The following NEURL4 variants were observed in gnomAD, a reference collection of about 807,000 sequenced individuals.
The protein encoded by NEURL4 is neuralized-like protein 4.
Under a neutral mutation model 148.0 loss-of-function variants are expected in NEURL4, and 45 were observed. That is an observed-to-expected ratio of 0.30 (90% CI 0.24 to 0.39). The LOEUF is 0.39. Among genes scored for constraint, NEURL4 ranks in the 10% least tolerant of loss-of-function variants. The pLI is 1.00. For synonymous variants in NEURL4, 854 were observed against 869.0 expected, an observed-to-expected ratio of 0.98 and a Z score of 0.30; for missense variants, 1,776 against 2,144.0, an observed-to-expected ratio of 0.83 and a Z score of 3.39.
At position 7,326,200 on chromosome 17, in the gene NEURL4, C is replaced by CA; in HGVS notation, c.1293+54dup. ...CCTGCTTGGTGCCCTGGCAGGGACA[C>CA]AGAGTACCTGTGGCTCTGCTGAAAG... On this transcript the variant is annotated intron_variant, in intron 6 of 28. Coordinates refer to ENST00000399464, the MANE Select transcript of NEURL4 (RefSeq NM_032442.3). The surrounding 1 kb of genome is among the most constrained non-coding windows in gnomAD (Gnocchi z 6.0). 1 of 1,553,010 alleles carries CA rather than the reference C, an allele frequency of 6.4e-7. No homozygotes were observed. Among genetic ancestry groups the CA allele is most frequent in the East Asian group, 2.3e-5 (1 of 43,326 alleles).
rs776183365 is a variant in NEURL4, at chr17:7,317,515, C to G, written c.4264G>C (p.Gly1422Arg). 3.1e-6 allele frequency: 5 copies of G among 1,614,162 alleles called. No homozygotes were observed. In the East Asian group the frequency reaches 8.9e-5, roughly 29 times the overall value. ...CTCCGTACAGCGGCAACATTGCTCC[C>G]GTGATATGCCATGTGCCACTTCTTG... ...LTKKWHMAYHGSNVAAVRRVL... is the reference protein window; with the variant it reads ...LTKKWHMAYHRSNVAAVRRVL... The change falls in exon 27 of 29, where the codon GGG (glycine) becomes CGG (arginine). Residue 1422 changes from glycine to arginine, a missense_variant. Physicochemically the swap from Gly to Arg is moderately radical, Grantham distance 125 (BLOSUM62 -2). Coordinates refer to ENST00000399464, the MANE Select transcript of NEURL4 (RefSeq NM_032442.3).
chr17:7,325,434 A>G lies in NEURL4; in HGVS notation c.1406T>C (p.Val469Ala). Residue 469 changes from valine (V) to alanine (A), a missense_variant, in exon 8 of 29, where the codon GTG becomes GCG. Coordinates refer to ENST00000399464, the MANE Select transcript of NEURL4 (RefSeq NM_032442.3). The stretch of plus-strand genomic sequence containing the variant: ...CACTGCCATCCCGTACAAGTCCACC[A>G]CACCATACACCACTGGGGGCGTCAA... ...TPLTPPVVYG[V>A]VDLYGMAVKV... 6 of 1,612,672 alleles carry G rather than the reference A, an allele frequency of 3.7e-6. No individual in the cohort carries two copies. Among genetic ancestry groups the G allele is most frequent in the Non-Finnish European group, 5.1e-6 (6 of 1,179,956 alleles).
rs764790045 is a variant in NEURL4 at position 7,324,113 on chromosome 17, T to A, written c.2057A>T (p.Asp686Val). The A allele has an allele frequency of 9.3e-6, 15 of 1,612,638 alleles. No individual in the cohort carries two copies. Among genetic ancestry groups the A allele is most frequent in the Middle Eastern group, 3.3e-4 (2 of 6,082 alleles). The change falls in exon 11 of 29, where the codon GAC becomes GTC. Residue 686 changes from aspartate (D) to valine (V), a missense_variant. Coordinates refer to ENST00000399464, the MANE Select transcript of NEURL4 (RefSeq NM_032442.3). This position sits in a 1 kb window ranked among gnomAD's most constrained non-coding sequence, Gnocchi z 5.9. ...GQAAQATIVD[D>V]VEVAPVPEPL... ...CAGCCCAGCCCGGCCCTCACCCACG[T>A]CGTCCACAATGGTGGCCTGGGCCGC... is the stretch of plus-strand genomic sequence containing the variant.
rs933264456 is a variant in NEURL4 at position 7,323,739 on chromosome 17, C to T, written c.2262-16G>A. The T allele has an allele frequency of 1.9e-5, 31 of 1,613,908 alleles. No individual in the cohort carries two copies. Among genetic ancestry groups the T allele is most frequent in the Middle Eastern group, 1.6e-4 (1 of 6,084 alleles). ...CCGCAGGGCCCTGCCAGGAGACTGGCGATCAGAGAGGCTCTACTTGCATGG... is the reference window on the plus strand; with the variant it reads ...CCGCAGGGCCCTGCCAGGAGACTGGTGATCAGAGAGGCTCTACTTGCATGG... On this transcript the variant is annotated splice_polypyrimidine_tract_variant and intron_variant, in intron 12 of 28. Transcript: ENST00000399464.
rs910846628 is a variant in NEURL4, at chr17:7,322,582, A to G, written c.2725+153T>C. Among the ~76,000 whole-genome samples the G allele has an allele frequency of 5.9e-5, 9 of 151,852 alleles. No individual in the cohort carries two copies. The highest frequency in any genetic ancestry group is 1.9e-4 in the African/African-American group (8 of 41,300). On this transcript the variant is annotated intron_variant, in intron 16 of 28. Coordinates refer to ENST00000399464, the MANE Select transcript of NEURL4 (RefSeq NM_032442.3). The surrounding 1 kb of genome is among the most constrained non-coding windows in gnomAD (Gnocchi z 5.5). ...AAGTACCAGGTGTAACCTCCCCCTC[A>G]CTGGCTGCTTGCCACCGTGGGCTGT...
chr17:7,319,701 A>AAAAAAC (rs760740878), intron 21 of NEURL4, among the ~76,000 whole-genome samples: 2 of 89,198 alleles, frequency 2.2e-5, no homozygotes, highest in Admixed American at 1.4e-4. Context: ...ACTCCGTCTC[A>AAAAAAC]AAAAAAACAA....
Position 7,323,998 on chromosome 17 carries a change from G to A in NEURL4, c.2077C>T (p.Pro693Ser), listed in dbSNP as rs905020631. ...IVDDVEVAPVPEPLPEGNNQV... is the reference protein window; with the variant it reads ...IVDDVEVAPVSEPLPEGNNQV... ...TTGTTCCCCTCAGGGAGTGGTTCAG[G>A]AACTGGAGCCACCTCTGTAAAAGTG... The change falls in exon 12 of 29, where the codon CCT becomes TCT. Residue 693 changes from proline (P) to serine (S), a missense_variant. By Grantham distance (74) the Pro-to-Ser change is moderately conservative. Transcript: ENST00000399464. 3 of 1,609,996 alleles carry A rather than the reference G, an allele frequency of 1.9e-6. No homozygotes were observed. Among genetic ancestry groups the A allele is most frequent in the Non-Finnish European group, 2.5e-6 (3 of 1,180,004 alleles).
In NEURL4 at chr17:7,327,779, C is replaced by T. The variant is rs758030494; in HGVS notation, c.388G>A (p.Val130Met). The T allele has an allele frequency of 1.2e-6, 2 of 1,614,096 alleles. No individual in the cohort carries two copies. The highest frequency in any genetic ancestry group is 2.2e-5 in the South Asian group (2 of 91,088). The change falls in exon 2 of 29, where the codon GTG (valine) becomes ATG (methionine). Residue 130 changes from valine (V) to methionine (M), a missense_variant. Transcript: ENST00000399464. The surrounding 1 kb of genome is among the most constrained non-coding windows in gnomAD (Gnocchi z 6.6). ...TCTCTCAGCACAGAGCAGCCCGACA[C>T]TACCCACGAGCCCCCCTTCAGGCCC... ...ATGLKGGSWV[V>M]SGCSVLRDGR...
rs1567618328 is a variant in NEURL4, at chr17:7,318,091, C to T, written c.4034G>A (p.Arg1345His). Residue 1345 changes from arginine (R) to histidine (H), a missense_variant, in exon 25 of 29, where the codon CGC (arginine) becomes CAC (histidine). Coordinates refer to ENST00000399464, the MANE Select transcript of NEURL4 (RefSeq NM_032442.3). The surrounding 1 kb of genome is among the most constrained non-coding windows in gnomAD (Gnocchi z 4.3). Reference protein sequence around the residue: ...KSCEYHALCSRFQELLLLPED... With the variant: ...KSCEYHALCSHFQELLLLPED... ...GGGAAGCAGCAGGAGTTCTTGGAAG[C>T]GAGAGCAAAGGGCATGGTACTCGCA... is the stretch of plus-strand genomic sequence containing the variant. The T allele has an allele frequency of 2.5e-6, 4 of 1,614,154 alleles. No homozygotes were observed. The highest frequency in any genetic ancestry group is 3.4e-6 in the Non-Finnish European group (4 of 1,180,032).
chr17:7,327,026 G>A lies in NEURL4; in HGVS notation c.794-17C>T, dbSNP rs1024697790. On this transcript the variant is annotated splice_polypyrimidine_tract_variant and intron_variant, in intron 3 of 28. Coordinates refer to ENST00000399464, the MANE Select transcript of NEURL4 (RefSeq NM_032442.3). The surrounding 1 kb of genome is among the most constrained non-coding windows in gnomAD (Gnocchi z 6.6). ...TGGCAAAGTCTATAGCAGCAGGATG[G>A]AAGAAGGAAGCTCGGAAGTTGGGAT... 1 of 1,607,752 alleles carries A rather than the reference G, an allele frequency of 6.2e-7. No homozygotes were observed. The highest frequency in any genetic ancestry group is 1.3e-5 in the African/African-American group (1 of 75,000).
chr17:7,323,670 C>A lies in NEURL4; in HGVS notation c.2315G>T (p.Arg772Leu), dbSNP rs374989269. ...ACCAGCCTCAATGGAGCCTGACCAG[C>A]GGTCCACCATCTTCTGAATGACAAT... ...FEIVIQKMVD[R>L]WSGSIEAGVT... Residue 772 changes from arginine (R) to leucine (L), a missense_variant, in exon 13 of 29, where the codon CGC (arginine) becomes CTC (leucine). Transcript: ENST00000399464. 1.9e-6 allele frequency: 3 copies of A among 1,613,576 alleles called. No individual in the cohort carries two copies. The highest frequency in any genetic ancestry group is 2.5e-6 in the Non-Finnish European group (3 of 1,179,722).
intron 25 of NEURL4, 62 bp from the exon 26 acceptor site, chr17:7,317,994 TC>T: frequency 6.2e-7 from 1 of 1,613,332 alleles, no homozygotes; most frequent in Non-Finnish European, 8.5e-7. Context: ...AGTGGCACCC[TC>T]CAGCTGCTCT....
intron 28 of NEURL4, among the ~76,000 whole-genome samples, 181 bp from the exon 29 acceptor site, chr17:7,316,508 T>C (rs1250795299): frequency 6.6e-6 from 1 of 152,216 alleles, no homozygotes; most frequent in East Asian, 1.9e-4. Flanking sequence ...GCTACACCCT[T>C]CACTTCCTTC....
At chr17:7,317,748 G>C (rs751443387) in intron 26 of NEURL4, 40 bp downstream of exon 26, 3 of 1,606,592 alleles carry the variant, frequency 1.9e-6, no homozygotes, top group Non-Finnish European at 1.7e-6. Context: ...TCTCCAGGGG[G>C]AAAACAGTAG....
intron 14 of NEURL4, 82 bp downstream of exon 14, chr17:7,323,403 C>T: frequency 2.1e-6 from 3 of 1,425,220 alleles, no homozygotes; most frequent in Non-Finnish European, 3.0e-6. Context: ...TACCCACAGC[C>T]ACCATAGGCC....
chr17:7,321,983 C>T lies in NEURL4; in HGVS notation c.2753G>A (p.Ser918Asn). ...PVAGVAHRFH[S>N]TCGKNVTLEE... ...TAGAGTGACGTTCTTGCCGCAAGTACTGTGGAATCGGTGAGCCACGCCAGC... is the reference window on the plus strand; with the variant it reads ...TAGAGTGACGTTCTTGCCGCAAGTATTGTGGAATCGGTGAGCCACGCCAGC... Residue 918 changes from serine to asparagine, a missense_variant, in exon 17 of 29, where the codon AGT becomes AAT. Ser to Asn is a conservative substitution (Grantham distance 46, BLOSUM62 1). Transcript: ENST00000399464. The surrounding 1 kb of genome is among the most constrained non-coding windows in gnomAD (Gnocchi z 6.3). 6.2e-7 allele frequency: 1 copy of T among 1,611,386 alleles called. No individual in the cohort carries two copies. The highest frequency in any genetic ancestry group is 1.7e-5 in the Admixed American group (1 of 59,820).
Position 7,326,755 on chromosome 17 carries a change from C to G in NEURL4, c.1048G>C (p.Val350Leu). The change falls in exon 4 of 29, where the codon GTT becomes CTT. Residue 350 changes from valine (V) to leucine (L), a missense_variant. Coordinates refer to ENST00000399464, the MANE Select transcript of NEURL4 (RefSeq NM_032442.3). This position sits in a 1 kb window ranked among gnomAD's most constrained non-coding sequence, Gnocchi z 6.0. The stretch of plus-strand genomic sequence containing the variant: ...CGAAGGGGGCGATTGGTCATGACAA[C>G]CCCATTGTTGAATTCATCCAGGGGC... ...RRPLDEFNNG[V>L]VMTNRPLRDN... 6.2e-7 allele frequency: 1 copy of G among 1,613,240 alleles called. No individual in the cohort carries two copies. Among genetic ancestry groups the G allele is most frequent in the Non-Finnish European group, 8.5e-7 (1 of 1,179,816 alleles).
At chr17:7,320,666 C>G in intron 21 of NEURL4, 93 bp downstream of exon 21, 2 of 1,231,318 alleles carry the variant, frequency 1.6e-6, no homozygotes, top group Non-Finnish European at 1.1e-6. Flanking sequence ...GGCTTGCTTT[C>G]TTTTTCTCCA....
chr17:7,327,923 A>C lies in NEURL4; in HGVS notation c.283-39T>G. 1 of 1,468,184 alleles carries C rather than the reference A, an allele frequency of 6.8e-7. No homozygotes were observed. The allele number at this position is 1,468,184 out of a possible 1,614,324, so 90.9% of individuals were successfully genotyped here. On this transcript the variant is annotated intron_variant, in intron 1 of 28. Coordinates refer to ENST00000399464, the MANE Select transcript of NEURL4 (RefSeq NM_032442.3). This position sits in a 1 kb window ranked among gnomAD's most constrained non-coding sequence, Gnocchi z 6.6. Reference sequence around the variant, plus strand: ...ATTGGACAGAGGCTTAGAATGGGCCACCCCCCATTCCACAGGCCACCATAT... The same window carrying C: ...ATTGGACAGAGGCTTAGAATGGGCCCCCCCCCATTCCACAGGCCACCATAT...
Sources: gnomAD v4.1 joint callset for allele counts (sites outside exome capture counted in the v4.1 genomes callset) on GRCh38, gnomAD v4.1.1 for gene constraint, Gnocchi (gnomAD v3.1) non-coding constraint, MANE v1.5 for transcripts, NCBI Gene and HGNC (gene_info 2026-07-23, HGNC 2026-07-21) for gene names.